Variants in MAP1LC3A observed in about 807,000 individuals in gnomAD.
MAP1LC3A encodes the protein microtubule associated protein 1 light chain 3 alpha.
In MAP1LC3A, 10 loss-of-function variants were observed where a neutral mutation model predicts 15.2. That is an observed-to-expected ratio of 0.66 (90% CI 0.41 to 1.12). The LOEUF (loss-of-function observed/expected upper bound fraction) is 1.12. MAP1LC3A is among the 50% of genes most tolerant of loss of function. The pLI is 0.00. For synonymous variants in MAP1LC3A, 63 were observed against 64.3 expected (o/e 0.98, Z 0.10); for missense variants, 138 against 167.3 (o/e 0.82, Z 0.97).
upstream of MAP1LC3A, chr20:34,558,606 C>T: frequency 8.2e-7 from 1 of 1,217,300 alleles, no homozygotes; most frequent in Non-Finnish European, 1.0e-6. This position sits in a 1 kb window ranked among gnomAD's most constrained non-coding sequence, Gnocchi z 4.3. Context: ...GTCCGCGGAC[C>T]CAGGCTCTCT....
chr20:34,554,447 C>T (rs1484992298), upstream of MAP1LC3A, among the ~76,000 whole-genome samples: 1 of 144,880 alleles, frequency 6.9e-6, no homozygotes, highest in Admixed American at 7.0e-5. Flanking sequence ...GATCTCGGTT[C>T]ACTGCAACCT....
chr20:34,559,836 G>A lies in MAP1LC3A; in HGVS notation c.304G>A (p.Glu102Lys), dbSNP rs1204969528. 2.5e-6 allele frequency: 4 copies of A among 1,613,940 alleles called. No homozygotes were observed. The highest frequency in any genetic ancestry group is 3.4e-6 in the Non-Finnish European group (4 of 1,180,008). Residue 102 changes from glutamate to lysine, a missense_variant, in exon 4 of 4, where the codon GAG becomes AAG. Transcript: ENST00000360668. ...STPIADIYEQ[E>K]KDEDGFLYMV... Reference sequence around the variant, plus strand: ...GCCCATCGCGGACATCTACGAGCAGGAGAAAGACGAGGACGGCTTCCTCTA... The same window carrying A: ...GCCCATCGCGGACATCTACGAGCAGAAGAAAGACGAGGACGGCTTCCTCTA...
chr20:34,550,110 C>G (rs898165231), intron 2 of MAP1LC3A: 2 of 1,413,314 alleles, frequency 1.4e-6, no homozygotes, highest in African/African-American at 2.8e-5. Context: ...AGTGGCCAAG[C>G]AGGCCAGGGT....
intron 2 of MAP1LC3A, chr20:34,550,049 CGTT>C: frequency 6.2e-7 from 1 of 1,613,448 alleles, no homozygotes. Context: ...GCCCGCCTGC[CGTT>C]GTGTGAAGGA....
Position 34,552,349 on chromosome 20 carries a change from C to T in MAP1LC3A, c.52+2320C>T, listed in dbSNP as rs548452747. Among the ~76,000 whole-genome samples, 11 of 152,376 alleles carry T rather than the reference C, an allele frequency of 7.2e-5. No individual in the cohort carries two copies. The South Asian group carries it at 2.3e-3, about 32-fold the overall frequency. On this transcript the variant is annotated intron_variant, in intron 2 of 4. Coordinates refer to the MAP1LC3A transcript ENST00000374837. ...AACTGGGTGTAAGAGGGACCACTAC[C>T]ATTATTTCAAGTGTGTTTGAACGCT...
At chr20:34,558,288 C>G, upstream of MAP1LC3A, 1 of 985,840 alleles carries the variant, frequency 1.0e-6, no homozygotes. This position sits in a 1 kb window ranked among gnomAD's most constrained non-coding sequence, Gnocchi z 4.3. Context: ...GCATCCTGTT[C>G]TATCCTGTGT....
intron 2 of MAP1LC3A, among the ~76,000 whole-genome samples, chr20:34,553,632 C>A (rs112224412): frequency 6.6e-6 from 1 of 152,166 alleles, no homozygotes; most frequent in Non-Finnish European, 1.5e-5. Flanking sequence ...GATCAAAAGT[C>A]GGCAAACTAA....
chr20:34,559,706 C>T (rs1420517237), intron 3 of MAP1LC3A, 30 bp from the exon 4 acceptor site: 3 of 1,584,368 alleles, frequency 1.9e-6, no homozygotes, highest in Non-Finnish European at 2.6e-6. Context: ...CCAAGCCCCT[C>T]ACAGCTGCAT....
chr20:34,555,529 C>G (rs915887938), upstream of MAP1LC3A, among the ~76,000 whole-genome samples: 6 of 152,152 alleles, frequency 3.9e-5, no homozygotes, highest in Non-Finnish European at 7.3e-5. Flanking sequence ...ATTTTCCAAC[C>G]TGGGCCTCCC....
chr20:34,555,052 G>C (rs1982100800), upstream of MAP1LC3A, among the ~76,000 whole-genome samples: 1 of 150,540 alleles, frequency 6.6e-6, no homozygotes, highest in African/African-American at 2.4e-5. Context: ...AGCATTTTTT[G>C]TTGTTTTTCT....
At chr20:34,557,385 C>A (rs937908139), upstream of MAP1LC3A, among the ~76,000 whole-genome samples, 2 of 151,896 alleles carry the variant, frequency 1.3e-5, no homozygotes, top group Admixed American at 1.3e-4. Context: ...ATCTGAAATA[C>A]ACACCTGACT....
intron 1 of MAP1LC3A, among the ~76,000 whole-genome samples, chr20:34,547,319 GA>G (rs1415723801): frequency 6.6e-6 from 1 of 152,008 alleles, no homozygotes; most frequent in Non-Finnish European, 1.5e-5. Flanking sequence ...GATGGCTGTG[GA>G]GTCTGTGCTG....
chr20:34,555,716 A>G (rs1982128860), upstream of MAP1LC3A, among the ~76,000 whole-genome samples: 1 of 151,724 alleles, frequency 6.6e-6, no homozygotes, highest in South Asian at 2.1e-4. Context: ...CAGAGCTGCA[A>G]TCACAGCTCA....
intron 2 of MAP1LC3A, among the ~76,000 whole-genome samples, chr20:34,552,684 A>G (rs991292502): frequency 1.3e-5 from 2 of 152,256 alleles, no homozygotes; most frequent in African/African-American, 4.8e-5. Context: ...TGAAGGAGGC[A>G]AGGCCAGGGC....
chr20:34,558,193 C>G, upstream of MAP1LC3A: 2 of 976,102 alleles, frequency 2.0e-6, no homozygotes, highest in Non-Finnish European at 2.4e-6. The surrounding 1 kb of genome is among the most constrained non-coding windows in gnomAD (Gnocchi z 4.3). Context: ...TTTCTGCCTT[C>G]TCACCTCATC....
At chr20:34,551,308 A>G (rs2146671121) in intron 2 of MAP1LC3A, among the ~76,000 whole-genome samples, 1 of 152,014 alleles carries the variant, frequency 6.6e-6, no homozygotes, top group Non-Finnish European at 1.5e-5. Context: ...CTTCATGTTG[A>G]ATTAAACCAG....
In MAP1LC3A at chr20:34,560,067, G is replaced by A. The variant is rs1600575574; in HGVS notation, c.*169G>A. On this transcript the variant is annotated 3_prime_UTR_variant, in exon 4 of 4. Coordinates refer to ENST00000360668, the MANE Select transcript of MAP1LC3A (RefSeq NM_032514.4). ...CCTACTCTGCCCCTGGGTGGATCCT[G>A]GGCCGGTCGTGTTAGGGTTGTCCCT... is the stretch of plus-strand genomic sequence containing the variant. 3.1e-6 allele frequency: 2 copies of A among 655,416 alleles called. No individual in the cohort carries two copies. The highest frequency in any genetic ancestry group is 5.8e-5 in the East Asian group (2 of 34,378). The allele number at this position is 655,416 out of a possible 1,614,324, so 40.6% of individuals were successfully genotyped here. A position where few individuals can be genotyped will look rare whatever the true frequency, so the allele number is the denominator to read the frequency against.
chr20:34,548,596 G>A (rs1292639339), intron 1 of MAP1LC3A, among the ~76,000 whole-genome samples: 1 of 152,216 alleles, frequency 6.6e-6, no homozygotes, highest in East Asian at 1.9e-4. Flanking sequence ...CTTTTCCAGT[G>A]AAAGCAGAGG....
Position 34,548,851 on chromosome 20 carries a change from G to A in MAP1LC3A, c.-73-1054G>A, listed in dbSNP as rs529878329. 1.9e-4 allele frequency among the ~76,000 whole-genome samples: 28 copies of A among 146,992 alleles called. 1 individual carries two copies. The highest frequency in any genetic ancestry group is 3.6e-4 in the Non-Finnish European group (24 of 66,580). On this transcript the variant is annotated intron_variant, in intron 1 of 4. Transcript: ENST00000374837. ...CTCCCGAGTAGCTGAGACTACAGGC[G>A]CCCGCCACCATGCCCAGCTAATTTT...
Sources: allele counts gnomAD v4.1 joint callset (sites outside exome capture counted in the v4.1 genomes callset), GRCh38; gene constraint gnomAD v4.1.1; non-coding constraint Gnocchi (gnomAD v3.1); transcripts MANE v1.5; gene names NCBI Gene and HGNC (gene_info 2026-07-23, HGNC 2026-07-21).